Variants in SSX5 observed in about 807,000 individuals in gnomAD.
SSX5 encodes the protein SSX family member 5, also known as protein SSX5.
SSX5 carries 14 observed loss-of-function variants against 14.9 expected under a neutral mutation model. The ratio of observed to expected loss-of-function variants is 0.94; its 90% CI spans 0.62 to 1.47. The LOEUF is 1.47. Among genes scored for constraint, SSX5 ranks in the 40% most tolerant of loss-of-function variants. The pLI is 0.00. For missense variants in SSX5, 204 were observed against 154.6 expected (o/e 1.32, Z -1.70); for synonymous variants, 70 against 55.4 (o/e 1.26, Z -1.17).
Position 48,186,793 on chromosome X carries a change from C to A in SSX5, c.*68G>T. 8.3e-7 allele frequency: 1 copy of A among 1,197,827 alleles called. No homozygotes were observed. Among genetic ancestry groups the A allele is most frequent in the Non-Finnish European group, 1.1e-6 (1 of 894,985 alleles). On this transcript the variant is annotated 3_prime_UTR_variant, in exon 8 of 8. Coordinates refer to ENST00000347757, the MANE Select transcript of SSX5 (RefSeq NM_175723.2). The stretch of plus-strand genomic sequence containing the variant: ...TGATGACGAGGGATCCGCAGCCATG[C>A]CCATGTTCGTGAAAGGTCACCACGT...
At chrX:48,188,119 G>T (rs1415954134) in intron 6 of SSX5, among the ~76,000 whole-genome samples, 3 of 108,882 alleles carry the variant, frequency 2.8e-5, no homozygotes, top group Non-Finnish European at 5.7e-5. Flanking sequence ...TTTTTTTTTT[G>T]GAAATTCTCA....
At chrX:48,194,090 C>T (rs782432363) in intron 4 of SSX5, 39 bp downstream of exon 4, 2 of 1,198,833 alleles carry the variant, frequency 1.7e-6, no homozygotes, top group Non-Finnish European at 2.3e-6. Context: ...AGCAGTTGCG[C>T]TTGAGGAGAC....
chrX:48,192,065 A>G (rs781806145), intron 5 of SSX5, among the ~76,000 whole-genome samples, 167 bp downstream of exon 5: 7 of 112,440 alleles, frequency 6.2e-5, no homozygotes, highest in African/African-American at 2.3e-4. Flanking sequence ...AGTATTAAGG[A>G]TCACAACTGT....
chrX:48,191,281 T>G (rs781977546), intron 5 of SSX5, among the ~76,000 whole-genome samples: 8 of 111,771 alleles, frequency 7.2e-5, no homozygotes, highest in Non-Finnish European at 1.3e-4. Context: ...GGAAGGCCTC[T>G]CTGAGCTTGT....
chrX:48,190,916 T>C (rs1263789482), intron 5 of SSX5, among the ~76,000 whole-genome samples: 7 of 110,663 alleles, frequency 6.3e-5, no homozygotes, highest in African/African-American at 2.3e-4. Flanking sequence ...GCTACTTTTT[T>C]TTTTTTTTGG....
Position 48,192,421 on chromosome X carries a change from A to C in SSX5, c.281-140T>G, listed in dbSNP as rs185144891. ...AGGAGTTATTTGAGATTTGCTTCTG[A>C]ATTATGTTTAGTCATGGTTGGTGCA... On this transcript the variant is annotated intron_variant, in intron 4 of 7. Coordinates refer to ENST00000347757, the MANE Select transcript of SSX5 (RefSeq NM_175723.2). 3.1e-4 allele frequency: 298 copies of C among 955,254 alleles called. No homozygotes were observed. The African/African-American group carries it at 5.3e-3, about 17-fold the overall frequency. The allele number at this position is 955,254 out of a possible 1,213,427, so 78.7% of individuals were successfully genotyped here.
chrX:48,188,043 T>G (rs2059405747), intron 6 of SSX5, among the ~76,000 whole-genome samples: 2 of 112,180 alleles, frequency 1.8e-5, no homozygotes, highest in African/African-American at 6.5e-5. Flanking sequence ...ACGTATTTAT[T>G]AAGGCCACAC....
At chrX:48,194,358 G>T in intron 3 of SSX5, 134 bp from the exon 4 acceptor site, 1 of 671,883 alleles carries the variant, frequency 1.5e-6, no homozygotes, top group Non-Finnish European at 2.4e-6. Context: ...AGGCTGCAGT[G>T]AGCTATGATT....
chrX:48,192,420 G>A lies in SSX5; in HGVS notation c.281-139C>T, dbSNP rs782373013. ...GAGGAGTTATTTGAGATTTGCTTCT[G>A]AATTATGTTTAGTCATGGTTGGTGC... On this transcript the variant is annotated intron_variant, in intron 4 of 7. Coordinates refer to ENST00000347757, the MANE Select transcript of SSX5 (RefSeq NM_175723.2). The A allele has an allele frequency of 5.1e-5, 49 of 964,261 alleles. No homozygotes were observed. The Admixed American group carries it at 8.0e-4, about 16-fold the overall frequency. The allele number at this position is 964,261 out of a possible 1,213,427, so 79.5% of individuals were successfully genotyped here.
At chrX:48,187,066 G>A (rs1485957249) in intron 7 of SSX5, among the ~76,000 whole-genome samples, 2 of 111,661 alleles carry the variant, frequency 1.8e-5, no homozygotes, top group Non-Finnish European at 3.8e-5. Flanking sequence ...TAGGCTAGAG[G>A]AAGGTGTGGC....
At chrX:48,195,616 T>C (rs1456321042) in intron 1 of SSX5, among the ~76,000 whole-genome samples, 1 of 111,651 alleles carries the variant, frequency 9.0e-6, no homozygotes, top group Admixed American at 9.5e-5. Flanking sequence ...AAAGCAGCCT[T>C]GAGTCTTTGG....
chrX:48,189,938 G>A (rs1384929753), intron 6 of SSX5, among the ~76,000 whole-genome samples, 195 bp downstream of exon 6: 3 of 111,766 alleles, frequency 2.7e-5, no homozygotes, highest in Non-Finnish European at 5.6e-5. Flanking sequence ...CCCAAGTCAC[G>A]TGGTTTTTTT....
chrX:48,194,194 C>T lies in SSX5; in HGVS notation c.215G>A (p.Arg72His), dbSNP rs149409740. 1.4e-4 allele frequency: 166 copies of T among 1,207,797 alleles called. No homozygotes were observed. The highest frequency in any genetic ancestry group is 4.6e-4 in the Middle Eastern group (2 of 4,365). ...CTGGAAGTCTGCGACCCGTTTATTA[C>T]GCATGAAAGGTGGGAGGGTGGCCTT... ...GFKATLPPFMRNKRVADFQGN... is the reference protein window; with the variant it reads ...GFKATLPPFMHNKRVADFQGN... The change falls in exon 4 of 8, where the codon CGT becomes CAT. Residue 72 changes from arginine to histidine, a missense_variant. Transcript: ENST00000347757.
chrX:48,186,403 T>TCAC lies in SSX5; in HGVS notation c.*457_*458insGTG, dbSNP rs2059396763. The stretch of plus-strand genomic sequence containing the variant: ...GTGTGTGTGTGTGTGTGTGTGTGTG[T>TCAC]GCGCGCGCGCGCGCATGTGTGTCTG... On this transcript the variant is annotated 3_prime_UTR_variant, in exon 8 of 8. Transcript: ENST00000347757. The TCAC allele has an allele frequency of 7.9e-6, 1 of 126,230 alleles. No individual in the cohort carries two copies. Among genetic ancestry groups the TCAC allele is most frequent in the Non-Finnish European group, 1.4e-5 (1 of 69,141 alleles). 10.4% of individuals were successfully genotyped at this position (126,230 alleles called of 1,213,427 possible).
At chrX:48,190,308 C>T (rs1556924560) in intron 5 of SSX5, 40 bp from the exon 6 acceptor site, 4 of 1,157,206 alleles carry the variant, frequency 3.5e-6, no homozygotes, top group Admixed American at 2.7e-5. Context: ...GTATCAGTGA[C>T]ATTTCTTTAG....
chrX:48,186,644 C>A lies in SSX5; in HGVS notation c.*217G>T. Reference sequence around the variant, plus strand: ...TGCTCATCAGTGAAAACGCTAATATCTAACAGAATGGCACACTGTAACAAA... The same window carrying A: ...TGCTCATCAGTGAAAACGCTAATATATAACAGAATGGCACACTGTAACAAA... On this transcript the variant is annotated 3_prime_UTR_variant, in exon 8 of 8. Transcript: ENST00000347757. 5 of 692,379 alleles carry A rather than the reference C, an allele frequency of 7.2e-6. No homozygotes were observed. Among genetic ancestry groups the A allele is most frequent in the Non-Finnish European group, 1.1e-5 (5 of 462,580 alleles). 57.1% of individuals were successfully genotyped at this position (692,379 alleles called of 1,213,427 possible). A position where few individuals can be genotyped will look rare whatever the true frequency, so the allele number is the denominator to read the frequency against.
rs782247681 is a variant in SSX5, at chrX:48,186,724, A to T, written c.*137T>A. 5.7e-5 allele frequency: 65 copies of T among 1,138,652 alleles called. No homozygotes were observed. In the Admixed American group the frequency reaches 8.6e-4, roughly 15 times the overall value. 93.8% of individuals were successfully genotyped at this position (1,138,652 alleles called of 1,213,427 possible). On this transcript the variant is annotated 3_prime_UTR_variant, in exon 8 of 8. Coordinates refer to ENST00000347757, the MANE Select transcript of SSX5 (RefSeq NM_175723.2). ...TGGCACACTAAGAAAAATGACGCTC[A>T]ACTTTTCACTGTTGTGAACACTTGC...
intron 3 of SSX5, 130 bp from the exon 4 acceptor site, chrX:48,194,354 C>G: frequency 1.4e-6 from 1 of 701,366 alleles, no homozygotes; most frequent in South Asian, 2.3e-5. Flanking sequence ...TTTGAGGCTG[C>G]AGTGAGCTAT....
intron 6 of SSX5, among the ~76,000 whole-genome samples, chrX:48,188,696 T>G (rs1556924228): frequency 1.8e-5 from 2 of 111,835 alleles, no homozygotes; most frequent in African/African-American, 6.5e-5. Context: ...TCACTTTAAA[T>G]CAGAAGCTAG....
Sources: allele counts gnomAD v4.1 joint callset (sites outside exome capture counted in the v4.1 genomes callset), GRCh38; gene constraint gnomAD v4.1.1; transcripts MANE v1.5; gene names NCBI Gene and HGNC (gene_info 2026-07-23, HGNC 2026-07-21).